Variants in UNC5D observed in about 807,000 individuals in gnomAD.
UNC5D encodes unc-5 netrin receptor D.
UNC5D carries 39 observed loss-of-function variants against 105.4 expected under a neutral mutation model. The observed-to-expected ratio is 0.37, with a 90% confidence interval of 0.29 to 0.48. The LOEUF (loss-of-function observed/expected upper bound fraction) is 0.48. Ranked by LOEUF, UNC5D falls within the 20% of genes least tolerant of loss-of-function variation. The probability of loss-of-function intolerance (pLI) is 0.98; values close to 1 mark genes in which losing one functional copy is unlikely to be tolerated. For synonymous variants in UNC5D, 452 were observed against 450.4 expected (o/e 1.00, Z -0.04); for missense variants, 991 against 1,202.4 (o/e 0.82, Z 2.60).
At position 35,362,387 on chromosome 8, in the gene UNC5D, G is replaced by T. The variant is rs532485460; in HGVS notation, c.103+126500G>T. Among the ~76,000 whole-genome samples the T allele has an allele frequency of 8.5e-5, 13 of 152,250 alleles. No homozygotes were observed. The East Asian group carries it at 2.3e-3, about 27-fold the overall frequency. ...CCCAGAGCCTGACACAGAATAAATGGTAACCATAAAGTGCCTTCTGGGTAG... is the reference window on the plus strand; with the variant it reads ...CCCAGAGCCTGACACAGAATAAATGTTAACCATAAAGTGCCTTCTGGGTAG... On this transcript the variant is annotated intron_variant, in intron 1 of 16. Coordinates refer to ENST00000404895, the MANE Select transcript of UNC5D (RefSeq NM_080872.4).
chr8:35,748,338 A>C (rs1479773533), intron 11 of UNC5D, among the ~76,000 whole-genome samples, 189 bp from the exon 12 acceptor site: 1 of 152,202 alleles, frequency 6.6e-6, no homozygotes, highest in Non-Finnish European at 1.5e-5. Context: ...TCTAGGCTTA[A>C]ACTCCTTCCG....
At chr8:35,650,549 C>T (rs2131178303) in intron 4 of UNC5D, among the ~76,000 whole-genome samples, 1 of 152,284 alleles carries the variant, frequency 6.6e-6, no homozygotes, top group African/African-American at 2.4e-5. Context: ...CTCACTGCAA[C>T]ATTTGCCTCC....
chr8:35,275,955 C>A (rs1038108634), intron 1 of UNC5D, among the ~76,000 whole-genome samples: 3 of 151,964 alleles, frequency 2.0e-5, no homozygotes, highest in Non-Finnish European at 4.4e-5. Flanking sequence ...TGGGATATGT[C>A]CATGTACTGA....
chr8:35,280,882 C>T (rs1368650562), intron 1 of UNC5D, among the ~76,000 whole-genome samples: 1 of 152,166 alleles, frequency 6.6e-6, no homozygotes, highest in Admixed American at 6.5e-5. Context: ...GATGTCTCTC[C>T]CATTCCCAAA....
intron 1 of UNC5D, among the ~76,000 whole-genome samples, chr8:35,418,598 A>G (rs529135766): frequency 6.4e-4 from 97 of 152,310 alleles, no homozygotes; most frequent in Middle Eastern, 3.4e-3. Context: ...ATGGTATTCA[A>G]GATCTGGTCT....
At chr8:35,585,035 G>A (rs890807819) in intron 3 of UNC5D, among the ~76,000 whole-genome samples, 3 of 152,100 alleles carry the variant, frequency 2.0e-5, no homozygotes, top group African/African-American at 7.2e-5. Context: ...AAGCATTTTG[G>A]AAAACTACAA....
At chr8:35,499,569 G>A (rs886656161) in intron 1 of UNC5D, among the ~76,000 whole-genome samples, 2 of 152,136 alleles carry the variant, frequency 1.3e-5, no homozygotes, top group African/African-American at 4.8e-5. Flanking sequence ...GTCTGTGCTG[G>A]CATCATTTAG....
chr8:35,483,877 T>G (rs1414668540), intron 1 of UNC5D, among the ~76,000 whole-genome samples: 1 of 152,206 alleles, frequency 6.6e-6, no homozygotes, highest in African/African-American at 2.4e-5. Context: ...GGCAGTCACT[T>G]AGGCTGCTTT....
intron 1 of UNC5D, among the ~76,000 whole-genome samples, chr8:35,296,827 C>T: frequency 6.6e-6 from 1 of 152,134 alleles, no homozygotes; most frequent in East Asian, 1.9e-4. Flanking sequence ...AAATATATCA[C>T]CCCTCTCCCT....
At chr8:35,367,423 C>T (rs1802179247) in intron 1 of UNC5D, among the ~76,000 whole-genome samples, 1 of 152,086 alleles carries the variant, frequency 6.6e-6, no homozygotes, top group Non-Finnish European at 1.5e-5. Context: ...TTGAAAGGAA[C>T]CCAGGTCTTC....
At chr8:35,696,157 C>T (rs1314249588) in intron 7 of UNC5D, among the ~76,000 whole-genome samples, 2 of 152,032 alleles carry the variant, frequency 1.3e-5, no homozygotes, top group Non-Finnish European at 2.9e-5. Context: ...TTATAGATTC[C>T]GGGATTACTG....
chr8:35,692,145 A>G (rs1009435997), intron 7 of UNC5D, among the ~76,000 whole-genome samples: 1 of 152,236 alleles, frequency 6.6e-6, no homozygotes, highest in Admixed American at 6.5e-5. Flanking sequence ...TGATGGCTAC[A>G]GTGATAAGAA....
chr8:35,282,839 C>T (rs907872038), intron 1 of UNC5D, among the ~76,000 whole-genome samples: 17 of 151,942 alleles, frequency 1.1e-4, no homozygotes, highest in African/African-American at 3.9e-4. Context: ...ATGGAACTTG[C>T]TAAATATACT....
At chr8:35,433,551 T>TA (rs1806796303) in intron 1 of UNC5D, among the ~76,000 whole-genome samples, 2 of 152,158 alleles carry the variant, frequency 1.3e-5, no homozygotes, top group South Asian at 4.1e-4. Context: ...AGACTCCTTT[T>TA]AAAAATAGTT....
intron 1 of UNC5D, among the ~76,000 whole-genome samples, chr8:35,294,878 T>G (rs1247472896): frequency 6.6e-6 from 1 of 152,096 alleles, no homozygotes; most frequent in African/African-American, 2.4e-5. Flanking sequence ...GCTTTGAAAG[T>G]GTATGTATCC....
At chr8:35,546,571 T>A (rs1815698010) in intron 1 of UNC5D, among the ~76,000 whole-genome samples, 1 of 152,248 alleles carries the variant, frequency 6.6e-6, no homozygotes, top group Non-Finnish European at 1.5e-5. Flanking sequence ...GGTCCTTTTA[T>A]GAATTGAACA....
At chr8:35,641,314 G>C (rs900480140) in intron 4 of UNC5D, among the ~76,000 whole-genome samples, 5 of 145,760 alleles carry the variant, frequency 3.4e-5, no homozygotes, top group Admixed American at 1.4e-4. Flanking sequence ...TAGGGCAGCA[G>C]GATTGTGGCT....
intron 4 of UNC5D, among the ~76,000 whole-genome samples, chr8:35,608,063 G>A (rs1477416295): frequency 6.6e-6 from 1 of 152,078 alleles, no homozygotes; most frequent in African/African-American, 2.4e-5. Context: ...TAAAGCATCT[G>A]CAAAGACCCA....
intron 1 of UNC5D, among the ~76,000 whole-genome samples, chr8:35,248,670 G>T (rs1307690501): frequency 1.2e-5 from 1 of 83,232 alleles, no homozygotes; most frequent in Non-Finnish European, 2.0e-5. Context: ...ATAAATATAT[G>T]TTATATATAA....
Sources: allele counts gnomAD v4.1 joint callset (sites outside exome capture counted in the v4.1 genomes callset), GRCh38; gene constraint gnomAD v4.1.1; transcripts MANE v1.5; gene names NCBI Gene and HGNC (gene_info 2026-07-23, HGNC 2026-07-21).